The following THSD4 variants were observed in gnomAD, a reference collection of about 807,000 sequenced individuals.
THSD4 encodes the protein thrombospondin type-1 domain-containing protein 4.
In THSD4, 69 loss-of-function variants were observed where a neutral mutation model predicts 119.0. The ratio of observed to expected loss-of-function variants is 0.58; its 90% CI spans 0.48 to 0.71. THSD4 has a LOEUF of 0.71. THSD4 is among the 30% of genes least tolerant of loss of function. The pLI, the probability that THSD4 is intolerant of heterozygous loss-of-function variation, is 0.00. For missense variants in THSD4, 1,393 were observed against 1,391.1 expected, an observed-to-expected ratio of 1.00 and a Z score of -0.02; for synonymous variants, 524 against 540.4, an observed-to-expected ratio of 0.97 and a Z score of 0.42.
intron 7 of THSD4, among the ~76,000 whole-genome samples, chr15:71,455,014 A>C (rs768053491): frequency 6.6e-6 from 1 of 152,086 alleles, no homozygotes; most frequent in Admixed American, 6.5e-5. Context: ...CTCCCTTCCT[A>C]TGCCCACCTT....
At chr15:71,450,805 G>A (rs2047253533) in intron 7 of THSD4, among the ~76,000 whole-genome samples, 1 of 152,158 alleles carries the variant, frequency 6.6e-6, no homozygotes, top group Admixed American at 6.6e-5. Flanking sequence ...AGTACACACG[G>A]GAGCCCCACA....
intron 6 of THSD4, among the ~76,000 whole-genome samples, chr15:71,309,278 C>T (rs985982714): frequency 6.6e-6 from 1 of 152,126 alleles, no homozygotes; most frequent in Non-Finnish European, 1.5e-5. Flanking sequence ...TAATGTTGAG[C>T]ATATTACTGA....
chr15:71,198,615 G>A (rs1319443012), intron 3 of THSD4, among the ~76,000 whole-genome samples: 1 of 152,240 alleles, frequency 6.6e-6, no homozygotes, highest in Non-Finnish European at 1.5e-5. Context: ...CCTAGAGGGT[G>A]TTATGGGTCA....
At chr15:71,313,891 GA>G (rs1054293160) in intron 6 of THSD4, among the ~76,000 whole-genome samples, 3 of 152,020 alleles carry the variant, frequency 2.0e-5, no homozygotes, top group Non-Finnish European at 4.4e-5. Context: ...TAGGTAGTTA[GA>G]AAAAAACACA....
intron 14 of THSD4, among the ~76,000 whole-genome samples, chr15:71,753,929 G>C (rs1004655209): frequency 6.6e-6 from 1 of 152,094 alleles, no homozygotes; most frequent in Admixed American, 6.6e-5. Context: ...TAGGTATATG[G>C]GGATGTGAAG....
At chr15:71,663,929 G>A (rs2051361709) in intron 8 of THSD4, among the ~76,000 whole-genome samples, 1 of 151,986 alleles carries the variant, frequency 6.6e-6, no homozygotes, top group African/African-American at 2.4e-5. Flanking sequence ...TGCAGAATAA[G>A]CAATATAAAG....
chr15:71,665,721 C>A (rs1207583161), intron 8 of THSD4, among the ~76,000 whole-genome samples: 1 of 152,172 alleles, frequency 6.6e-6, no homozygotes, highest in Non-Finnish European at 1.5e-5. Context: ...ATATGGCTAG[C>A]CAGTTCTCCC....
At chr15:71,625,069 G>A in intron 7 of THSD4, among the ~76,000 whole-genome samples, 1 of 152,058 alleles carries the variant, frequency 6.6e-6, no homozygotes, top group Middle Eastern at 3.2e-3. Context: ...GTACAGTGGT[G>A]CCATCTTAGC....
chr15:71,199,890 GGTA>G (rs2043782242), intron 3 of THSD4, among the ~76,000 whole-genome samples: 1 of 39,104 alleles, frequency 2.6e-5, no homozygotes, highest in Non-Finnish European at 1.2e-4. Context: ...GTGCATGTGT[GGTA>G]TGTGTGTGTG....
intron 3 of THSD4, among the ~76,000 whole-genome samples, chr15:71,159,256 C>T (rs2043228635): frequency 6.6e-6 from 1 of 152,082 alleles, no homozygotes; most frequent in Non-Finnish European, 1.5e-5. Context: ...TGTGATGCTT[C>T]CAGTTTTGTT....
chr15:71,643,356 T>C (rs999852438), intron 7 of THSD4, among the ~76,000 whole-genome samples: 4 of 152,202 alleles, frequency 2.6e-5, no homozygotes, highest in African/African-American at 9.6e-5. Flanking sequence ...AGGTTTGTTG[T>C]ATAGGTAAAC....
chr15:71,568,197 T>A (rs549425943), intron 7 of THSD4, among the ~76,000 whole-genome samples: 1 of 152,292 alleles, frequency 6.6e-6, no homozygotes, highest in African/African-American at 2.4e-5. Context: ...CTCCCTGGTC[T>A]TCACATGAAG....
chr15:71,688,850 T>C (rs2051980456), intron 8 of THSD4, among the ~76,000 whole-genome samples: 1 of 152,006 alleles, frequency 6.6e-6, no homozygotes, highest in Non-Finnish European at 1.5e-5. Flanking sequence ...CTGCCAGTGT[T>C]TTTTTCTTTT....
chr15:71,296,643 T>C (rs2044866932), intron 6 of THSD4, among the ~76,000 whole-genome samples: 1 of 152,232 alleles, frequency 6.6e-6, no homozygotes, highest in Admixed American at 6.5e-5. Flanking sequence ...TGGCCAAGGC[T>C]TTGTGTCCCT....
At chr15:71,493,562 A>G (rs551488539) in intron 7 of THSD4, among the ~76,000 whole-genome samples, 118 of 152,172 alleles carry the variant, frequency 7.8e-4, no homozygotes, top group Non-Finnish European at 1.1e-3. Flanking sequence ...TGACTAGTCT[A>G]TATCAACATT....
At chr15:71,625,941 T>C (rs1478681752) in intron 7 of THSD4, among the ~76,000 whole-genome samples, 5 of 152,184 alleles carry the variant, frequency 3.3e-5, no homozygotes, top group Non-Finnish European at 7.3e-5. Flanking sequence ...GGATTAGAAA[T>C]GGGTAAATCA....
chr15:71,545,753 A>G (rs998874758), intron 7 of THSD4, among the ~76,000 whole-genome samples: 2 of 152,158 alleles, frequency 1.3e-5, no homozygotes, highest in Non-Finnish European at 2.9e-5. Flanking sequence ...CCTTAACTGG[A>G]GATATTATCC....
intron 6 of THSD4, among the ~76,000 whole-genome samples, chr15:71,329,091 G>T (rs373294559): frequency 6.6e-6 from 1 of 152,146 alleles, no homozygotes; most frequent in Non-Finnish European, 1.5e-5. Context: ...GTGATGTGTC[G>T]CCATGAAAAT....
rs565979945 is a variant in THSD4 at position 71,341,803 on chromosome 15, C to T, written c.1016-69884C>T. 180 of 760,348 alleles carry T rather than the reference C, an allele frequency of 2.4e-4. No individual in the cohort carries two copies. The African/African-American group carries it at 2.6e-3, about 11-fold the overall frequency. The allele number at this position is 760,348 out of a possible 1,614,324, so 47.1% of individuals were successfully genotyped here. ...CCTCCCTCACAACCCTCTTTTCTTC[C>T]TTCCTTCCTTTCCTTTCATTTGGTT... On this transcript the variant is annotated intron_variant, in intron 6 of 17. Coordinates refer to ENST00000261862, the MANE Select transcript of THSD4 (RefSeq NM_024817.3).
Sources: allele counts gnomAD v4.1 joint callset (sites outside exome capture counted in the v4.1 genomes callset), GRCh38; gene constraint gnomAD v4.1.1; transcripts MANE v1.5; gene names NCBI Gene and HGNC (gene_info 2026-07-23, HGNC 2026-07-21).